The following PALLD variants were observed in gnomAD, a reference collection of about 807,000 sequenced individuals.
PALLD encodes palladin, cytoskeletal associated protein, also known as palladin.
A neutral mutation model predicts 123.5 loss-of-function variants in PALLD; 61 were observed. That is an observed-to-expected ratio of 0.49 (90% CI 0.40 to 0.61). The LOEUF (loss-of-function observed/expected upper bound fraction) is 0.61. PALLD is among the 20% of genes least tolerant of loss of function. The pLI, the probability that PALLD is intolerant of heterozygous loss-of-function variation, is 0.00. For missense variants in PALLD, 1,273 were observed against 1,377.0 expected (o/e 0.92, Z 1.20); for synonymous variants, 465 against 496.4 (o/e 0.94, Z 0.84).
intron 2 of PALLD, among the ~76,000 whole-genome samples, chr4:168,562,973 G>A (rs1350495807): frequency 6.6e-6 from 1 of 152,200 alleles, no homozygotes; most frequent in Non-Finnish European, 1.5e-5. Flanking sequence ...AAATAGAAGT[G>A]GAGATGGTGA....
intron 18 of PALLD, among the ~76,000 whole-genome samples, chr4:168,921,949 G>A (rs1462198302): frequency 6.6e-6 from 1 of 152,038 alleles, no homozygotes; most frequent in Non-Finnish European, 1.5e-5. Context: ...GGCAAAGAGA[G>A]AAAAAGATTT....
At chr4:168,778,566 G>A (rs146988734) in intron 10 of PALLD, among the ~76,000 whole-genome samples, 62 of 152,076 alleles carry the variant, frequency 4.1e-4, no homozygotes, top group Non-Finnish European at 7.2e-4. Flanking sequence ...TCAGATTTAG[G>A]GTGTCTAGCA....
chr4:168,660,567 G>A (rs1439255646), intron 2 of PALLD, among the ~76,000 whole-genome samples: 1 of 151,734 alleles, frequency 6.6e-6, no homozygotes, highest in Non-Finnish European at 1.5e-5. Flanking sequence ...TACGGGGAGG[G>A]AGGAATCATT....
intron 10 of PALLD, among the ~76,000 whole-genome samples, chr4:168,787,646 G>T (rs530315642): frequency 6.6e-6 from 1 of 152,348 alleles, no homozygotes; most frequent in Non-Finnish European, 1.5e-5. Flanking sequence ...AGTTCTCTTG[G>T]ACAATGCTGG....
chr4:168,891,152 ACAT>A (rs79602427), intron 11 of PALLD, 95 bp downstream of exon 11: 4 of 1,158,940 alleles, frequency 3.5e-6, no homozygotes, highest in Non-Finnish European at 5.2e-6. Context: ...TTTGTCCACA[ACAT>A]CATCATTATT....
chr4:168,723,702 A>G (rs1260271384), intron 10 of PALLD, among the ~76,000 whole-genome samples: 1 of 152,210 alleles, frequency 6.6e-6, no homozygotes, highest in Non-Finnish European at 1.5e-5. Flanking sequence ...GAGAAGCAAA[A>G]GCATCGTCCT....
At chr4:168,782,001 C>T (rs1481735312) in intron 10 of PALLD, among the ~76,000 whole-genome samples, 2 of 152,144 alleles carry the variant, frequency 1.3e-5, no homozygotes, top group Non-Finnish European at 2.9e-5. Flanking sequence ...TACCTGCCTT[C>T]CCCAACCAGA....
intron 2 of PALLD, among the ~76,000 whole-genome samples, chr4:168,560,910 C>G (rs1257293315): frequency 1.3e-5 from 2 of 152,198 alleles, no homozygotes; most frequent in African/African-American, 4.8e-5. Flanking sequence ...CACAAGTACT[C>G]TAGCATAACT....
At chr4:168,730,830 A>C (rs1038985528) in intron 10 of PALLD, among the ~76,000 whole-genome samples, 21 of 152,060 alleles carry the variant, frequency 1.4e-4, no homozygotes, top group African/African-American at 4.8e-4. Context: ...ATATGCATCC[A>C]TCTAATTCCT....
chr4:168,741,522 T>TA (rs1019543100), intron 10 of PALLD, among the ~76,000 whole-genome samples: 16 of 150,694 alleles, frequency 1.1e-4, no homozygotes, highest in Non-Finnish European at 1.5e-4. Flanking sequence ...CATGGCTCTT[T>TA]AAAAAAAAAT....
At chr4:168,507,031 A>T (rs897126342) in intron 1 of PALLD, among the ~76,000 whole-genome samples, 2 of 152,136 alleles carry the variant, frequency 1.3e-5, no homozygotes, top group Admixed American at 1.3e-4. Flanking sequence ...ATAGGCTAAT[A>T]ATCCCCAATC....
chr4:168,763,510 A>G (rs1411729901), intron 10 of PALLD, among the ~76,000 whole-genome samples: 1 of 152,190 alleles, frequency 6.6e-6, no homozygotes, highest in African/African-American at 2.4e-5. Context: ...TTTAGGCCAC[A>G]CAGTGTCCAA....
intron 17 of PALLD, 42 bp from the exon 18 acceptor site, chr4:168,921,492 G>T: frequency 7.2e-7 from 1 of 1,380,972 alleles, no homozygotes; most frequent in Non-Finnish European, 1.0e-6. Context: ...ATTTCACTCT[G>T]TTTTAATACA....
At chr4:168,712,620 G>A (rs1405312725) in intron 10 of PALLD, among the ~76,000 whole-genome samples, 1 of 152,186 alleles carries the variant, frequency 6.6e-6, no homozygotes, top group East Asian at 1.9e-4. Context: ...GTCAGAGAGA[G>A]GCAGAAATAA....
intron 10 of PALLD, among the ~76,000 whole-genome samples, chr4:168,889,439 C>T (rs146748220): frequency 3.9e-5 from 6 of 152,238 alleles, no homozygotes; most frequent in African/African-American, 1.4e-4. Context: ...GCTGGGAATA[C>T]AGGCGTGAGC....
chr4:168,563,759 T>G (rs1768090119), intron 2 of PALLD, among the ~76,000 whole-genome samples: 2 of 152,304 alleles, frequency 1.3e-5, no homozygotes, highest in Middle Eastern at 6.8e-3. Context: ...AGTTCTCCAT[T>G]ATATAAATCT....
intron 2 of PALLD, among the ~76,000 whole-genome samples, chr4:168,528,159 T>C (rs1452534719): frequency 6.6e-6 from 1 of 152,198 alleles, no homozygotes; most frequent in East Asian, 1.9e-4. Context: ...CTCCTCCTGA[T>C]TGCCCAAACC....
intron 3 of PALLD, among the ~76,000 whole-genome samples, chr4:168,671,489 G>A (rs996065531): frequency 2.6e-5 from 4 of 152,158 alleles, no homozygotes; most frequent in African/African-American, 9.7e-5. Flanking sequence ...TAGATAGATC[G>A]TATGTGACTT....
rs1239099971 is a variant in PALLD at position 168,877,921 on chromosome 4, C to G, written c.1965-13001C>G. The G allele has an allele frequency of 2.0e-6, 3 of 1,486,304 alleles. No individual in the cohort carries two copies. Among genetic ancestry groups the G allele is most frequent in the Admixed American group, 4.4e-5 (2 of 45,444 alleles). 92.1% of individuals were successfully genotyped at this position (1,486,304 alleles called of 1,614,324 possible). On this transcript the variant is annotated intron_variant, in intron 10 of 21. Transcript: ENST00000505667. ...GCGCGCTGGCCTCCCGCTCCGCCCCCGCCATGCAGTCCTCCGGCTCCTTCA... is the reference window on the plus strand; with the variant it reads ...GCGCGCTGGCCTCCCGCTCCGCCCCGGCCATGCAGTCCTCCGGCTCCTTCA...
Sources: allele counts gnomAD v4.1 joint callset (sites outside exome capture counted in the v4.1 genomes callset), GRCh38; gene constraint gnomAD v4.1.1; transcripts MANE v1.5; gene names NCBI Gene and HGNC (gene_info 2026-07-23, HGNC 2026-07-21).